Variants in COL9A2 observed in about 807,000 individuals in gnomAD.
COL9A2 encodes the protein collagen type IX alpha 2 chain.
Under a neutral mutation model 111.6 loss-of-function variants are expected in COL9A2, and 66 were observed. The ratio of observed to expected loss-of-function variants is 0.59; its 90% CI spans 0.48 to 0.73. The LOEUF (loss-of-function observed/expected upper bound fraction) is 0.73. Among genes scored for constraint, COL9A2 ranks in the 30% least tolerant of loss-of-function variants. The pLI, the probability that COL9A2 is intolerant of heterozygous loss-of-function variation, is 0.00. For missense variants in COL9A2, 881 were observed against 954.1 expected (o/e 0.92, Z 1.01); for synonymous variants, 353 against 364.1 (o/e 0.97, Z 0.35).
At position 40,309,986 on chromosome 1, in the gene COL9A2, C is replaced by T. The variant is rs757111279; in HGVS notation, c.798G>A (p.Glu266=). The change falls in exon 16 of 32, where the codon GAG becomes GAA. Residue 266 remains glutamate (E), a synonymous_variant. Transcript: ENST00000372748. Reference sequence around the variant, plus strand: ...GGCCTGGCGGTCCCCTAGGACCTTCCTCACCCTGGCAAGAAAGACAAGCAG... The same window carrying T: ...GGCCTGGCGGTCCCCTAGGACCTTCTTCACCCTGGCAAGAAAGACAAGCAG... ...GAIGATGPPG[E]EGPRGPPGRA... 1.2e-6 allele frequency: 2 copies of T among 1,614,146 alleles called. No homozygotes were observed. Among genetic ancestry groups the T allele is most frequent in the Non-Finnish European group, 8.5e-7 (1 of 1,180,026 alleles).
chr1:40,311,000 A>T lies in COL9A2; in HGVS notation c.630+93T>A, dbSNP rs537000163. 61 of 1,524,112 alleles carry T rather than the reference A, an allele frequency of 4.0e-5. No individual in the cohort carries two copies. In the East Asian group the frequency reaches 1.3e-3, roughly 32 times the overall value. The allele number at this position is 1,524,112 out of a possible 1,614,324, so 94.4% of individuals were successfully genotyped here. ...GCTCAAGGCTCTGTCCCCAGAACCC[A>T]CAGGGGAAGGGGAAGGGACGAAGAA... is the stretch of plus-strand genomic sequence containing the variant. On this transcript the variant is annotated intron_variant, in intron 12 of 31. Transcript: ENST00000372748. The surrounding 1 kb of genome is among the most constrained non-coding windows in gnomAD (Gnocchi z 4.9).
intron 21 of COL9A2, among the ~76,000 whole-genome samples, 174 bp downstream of exon 21, chr1:40,305,541 C>T (rs1312593342): frequency 6.6e-6 from 1 of 152,162 alleles, no homozygotes; most frequent in Non-Finnish European, 1.5e-5. Flanking sequence ...AGAGCCAGTC[C>T]CCACCCTCCC....
chr1:40,315,203 C>G (rs1644197584), intron 2 of COL9A2: 1 of 1,042,922 alleles, frequency 9.6e-7, no homozygotes, highest in East Asian at 9.0e-5. Flanking sequence ...CTGGCCCAAG[C>G]TGGTCGGTGG....
chr1:40,305,199 C>T (rs1644007625), intron 21 of COL9A2, among the ~76,000 whole-genome samples: 1 of 151,444 alleles, frequency 6.6e-6, no homozygotes, highest in Admixed American at 6.6e-5. Context: ...TCCAGAGTAG[C>T]TGGGACTACA....
intron 1 of COL9A2, chr1:40,315,865 G>T: frequency 2.1e-6 from 1 of 467,678 alleles, no homozygotes. Context: ...GAACCGGGAG[G>T]CGGGCGCTAT....
In COL9A2 at chr1:40,312,392, C is replaced by A. The variant is rs536797172; in HGVS notation, c.363+64G>T. The A allele has an allele frequency of 9.2e-5, 146 of 1,590,836 alleles. 3 individuals carry two copies. The highest frequency in any genetic ancestry group is 5.2e-4 in the South Asian group (46 of 88,564). On this transcript the variant is annotated intron_variant, in intron 7 of 31. Coordinates refer to ENST00000372748, the MANE Select transcript of COL9A2 (RefSeq NM_001852.4). This position sits in a 1 kb window ranked among gnomAD's most constrained non-coding sequence, Gnocchi z 6.0. ...TCCCATGGTGGCCATTCCCTCGAAG[C>A]CTTTCTGTTGTCCCCTCCTTCCCTG... is the stretch of plus-strand genomic sequence containing the variant.
chr1:40,304,928 T>C, intron 21 of COL9A2, 81 bp from the exon 22 acceptor site: 1 of 1,265,218 alleles, frequency 7.9e-7, no homozygotes, highest in South Asian at 1.3e-5. Flanking sequence ...CTCCCTACCC[T>C]GGGTCTCAGC....
rs1644050018 is a variant in COL9A2 at position 40,307,563 on chromosome 1, C to T, written c.955-64G>A. The stretch of plus-strand genomic sequence containing the variant: ...CCAGCCAGAGGGCCATGGCTTCTAC[C>T]CAGATGCAGGTAGGGAAACTGAGAT... On this transcript the variant is annotated intron_variant, in intron 18 of 31. Coordinates refer to ENST00000372748, the MANE Select transcript of COL9A2 (RefSeq NM_001852.4). This position sits in a 1 kb window ranked among gnomAD's most constrained non-coding sequence, Gnocchi z 4.8. The T allele has an allele frequency of 6.2e-7, 1 of 1,600,314 alleles. No individual in the cohort carries two copies. The highest frequency in any genetic ancestry group is 1.7e-4 in the Middle Eastern group (1 of 6,040).
chr1:40,312,807 G>C lies in COL9A2; in HGVS notation c.250-23C>G, dbSNP rs202066910. ...ACCCTGGGGAAGAATGAAAATGTAG[G>C]ATCAATGAGGGCCAACCTGCTCCCT... is the stretch of plus-strand genomic sequence containing the variant. On this transcript the variant is annotated intron_variant, in intron 4 of 31. Transcript: ENST00000372748. The surrounding 1 kb of genome is among the most constrained non-coding windows in gnomAD (Gnocchi z 6.0). 24 of 1,548,666 alleles carry C rather than the reference G, an allele frequency of 1.5e-5. No individual in the cohort carries two copies. The highest frequency in any genetic ancestry group is 4.1e-4 in the Middle Eastern group (2 of 4,880).
In COL9A2 at chr1:40,302,927, C is replaced by T. The variant is rs902889802; in HGVS notation, c.1604-118G>A. On this transcript the variant is annotated intron_variant, in intron 29 of 31. Coordinates refer to ENST00000372748, the MANE Select transcript of COL9A2 (RefSeq NM_001852.4). This position sits in a 1 kb window ranked among gnomAD's most constrained non-coding sequence, Gnocchi z 4.5. ...GCCCCTAGGTTTGCAGACAGAAAAG[C>T]ACCACCTTCCGTGGGCTCTGTTTTG... 2.5e-6 allele frequency: 3 copies of T among 1,193,162 alleles called. No homozygotes were observed. Among genetic ancestry groups the T allele is most frequent in the Non-Finnish European group, 2.4e-6 (2 of 836,188 alleles). The allele number at this position is 1,193,162 out of a possible 1,614,324, so 73.9% of individuals were successfully genotyped here. A position where few individuals can be genotyped will look rare whatever the true frequency, so the allele number is the denominator to read the frequency against.
chr1:40,306,997 G>A (rs1178309384), intron 19 of COL9A2, among the ~76,000 whole-genome samples: 3 of 151,928 alleles, frequency 2.0e-5, no homozygotes, highest in Non-Finnish European at 2.9e-5. Context: ...GGCATGAGCC[G>A]CCACGCCCAG....
In COL9A2 at chr1:40,312,236, CAG is replaced by C; in HGVS notation, c.364-126_364-125del. 1.9e-6 allele frequency: 2 copies of C among 1,042,480 alleles called. No individual in the cohort carries two copies. Among genetic ancestry groups the C allele is most frequent in the Non-Finnish European group, 2.9e-6 (2 of 695,738 alleles). 64.6% of individuals were successfully genotyped at this position (1,042,480 alleles called of 1,614,324 possible). ...ACTTTTTTTTTTTTTTTGCCAACCC[CAG>C]AGAGACTGACAGACTGAGGCTTTAA... On this transcript the variant is annotated intron_variant, in intron 7 of 31. Transcript: ENST00000372748. The surrounding 1 kb of genome is among the most constrained non-coding windows in gnomAD (Gnocchi z 6.0).
At chr1:40,304,718 C>G (rs1380242129) in intron 22 of COL9A2, 76 bp downstream of exon 22, 3 of 1,454,532 alleles carry the variant, frequency 2.1e-6, no homozygotes, top group Non-Finnish European at 2.8e-6. Flanking sequence ...ACGGGCTGCA[C>G]GGAGCAGATG....
At position 40,315,239 on chromosome 1, in the gene COL9A2, T is replaced by A. The variant is rs1017010790; in HGVS notation, c.150+351A>T. 4.8e-5 allele frequency: 52 copies of A among 1,089,214 alleles called. No homozygotes were observed. In the Middle Eastern group the frequency reaches 2.6e-3, roughly 54 times the overall value. The allele number at this position is 1,089,214 out of a possible 1,614,324, so 67.5% of individuals were successfully genotyped here. ...TCTGGCCAAGGCTCCCAAGCGAACC[T>A]GAAGAAGCGTCCAGATGTGCCAGAG... On this transcript the variant is annotated intron_variant, in intron 2 of 31. Transcript: ENST00000372748.
intron 23 of COL9A2, 35 bp downstream of exon 23, chr1:40,304,441 T>C: frequency 6.2e-7 from 1 of 1,613,822 alleles, no homozygotes; most frequent in Non-Finnish European, 8.5e-7. Flanking sequence ...GGCCTGGATA[T>C]GACGCCCTGC....
chr1:40,311,017 G>A lies in COL9A2; in HGVS notation c.630+76C>T. ...CAGAACCCACAGGGGAAGGGGAAGGGACGAAGAAGGGGACAGAGCCCTGTA... is the reference window on the plus strand; with the variant it reads ...CAGAACCCACAGGGGAAGGGGAAGGAACGAAGAAGGGGACAGAGCCCTGTA... On this transcript the variant is annotated intron_variant, in intron 12 of 31. Coordinates refer to ENST00000372748, the MANE Select transcript of COL9A2 (RefSeq NM_001852.4). This position sits in a 1 kb window ranked among gnomAD's most constrained non-coding sequence, Gnocchi z 5.1. 1.3e-6 allele frequency: 2 copies of A among 1,580,428 alleles called. No homozygotes were observed. Among genetic ancestry groups the A allele is most frequent in the Non-Finnish European group, 1.7e-6 (2 of 1,149,814 alleles).
rs1291364498 is a variant in COL9A2 at position 40,307,655 on chromosome 1, C to T, written c.954+48G>A. ...GGCTCTTGGTGTCTAGAATCCAGGA[C>T]TCAAGGTCCTGCCCCTGCCCCAGTC... On this transcript the variant is annotated intron_variant, in intron 18 of 31. Coordinates refer to ENST00000372748, the MANE Select transcript of COL9A2 (RefSeq NM_001852.4). The surrounding 1 kb of genome is among the most constrained non-coding windows in gnomAD (Gnocchi z 4.8). 1.2e-6 allele frequency: 2 copies of T among 1,610,536 alleles called. No individual in the cohort carries two copies. Among genetic ancestry groups the T allele is most frequent in the Admixed American group, 3.3e-5 (2 of 59,772 alleles).
At position 40,310,288 on chromosome 1, in the gene COL9A2, G is replaced by A. The variant is rs770743976; in HGVS notation, c.714C>T (p.Gly238=). The change falls in exon 14 of 32, where the codon GGC becomes GGT. Residue 238 remains glycine (G), a synonymous_variant. Transcript: ENST00000372748. The surrounding 1 kb of genome is among the most constrained non-coding windows in gnomAD (Gnocchi z 4.9). Reference sequence around the variant, plus strand: ...CCGTCTCTCCCTTGGGCCCTGCCATGCCTGGGTAGCCCCTGATGCCCTGGG... The same window carrying A: ...CCGTCTCTCCCTTGGGCCCTGCCATACCTGGGTAGCCCCTGATGCCCTGGG... ...PGPQGIRGYP[G]MAGPKGETGP... 1.9e-6 allele frequency: 3 copies of A among 1,614,112 alleles called. No individual in the cohort carries two copies. Among genetic ancestry groups the A allele is most frequent in the Admixed American group, 3.3e-5 (2 of 60,030 alleles).
In COL9A2 at chr1:40,307,488, T is replaced by A. The variant is rs1247612197; in HGVS notation, c.966A>T (p.Gly322=). The change falls in exon 19 of 32, where the codon GGA becomes GGT. Residue 322 remains glycine (G), a synonymous_variant. Transcript: ENST00000372748. This position sits in a 1 kb window ranked among gnomAD's most constrained non-coding sequence, Gnocchi z 4.8. ...PGTPGMKGSA[G]QAGQPGSPGH... ...CTGGACTTCCGGGCTGTCCCGCCTGTCCTGCACTGCCCTGGGATAGACAGA... is the reference window on the plus strand; with the variant it reads ...CTGGACTTCCGGGCTGTCCCGCCTGACCTGCACTGCCCTGGGATAGACAGA... The A allele has an allele frequency of 6.2e-7, 1 of 1,614,178 alleles. No homozygotes were observed. Among genetic ancestry groups the A allele is most frequent in the Admixed American group, 1.7e-5 (1 of 60,032 alleles).
Sources: gnomAD v4.1 joint callset for allele counts (sites outside exome capture counted in the v4.1 genomes callset) on GRCh38, gnomAD v4.1.1 for gene constraint, Gnocchi (gnomAD v3.1) non-coding constraint, MANE v1.5 for transcripts, NCBI Gene and HGNC (gene_info 2026-07-23, HGNC 2026-07-21) for gene names.